Variants in CAMK2D observed in about 807,000 individuals in gnomAD.
CAMK2D encodes the protein calcium/calmodulin-dependent protein kinase type II subunit delta.
In CAMK2D, 37 loss-of-function variants were observed where a neutral mutation model predicts 84.0. The ratio of observed to expected loss-of-function variants is 0.44; its 90% CI spans 0.34 to 0.58. CAMK2D has a LOEUF of 0.58. Among genes scored for constraint, CAMK2D ranks in the 20% least tolerant of loss-of-function variants. The pLI, the probability that CAMK2D is intolerant of heterozygous loss-of-function variation, is 0.02. For synonymous variants in CAMK2D, 202 were observed against 212.5 expected (o/e 0.95, Z 0.43); for missense variants, 448 against 652.5 (o/e 0.69, Z 3.41).
At chr4:113,608,354 TA>T (rs2098986405) in intron 4 of CAMK2D, among the ~76,000 whole-genome samples, 1 of 152,228 alleles carries the variant, frequency 6.6e-6, no homozygotes, top group African/African-American at 2.4e-5. Context: ...TGCTAGGCAG[TA>T]GTCCATTATA....
At chr4:113,564,366 G>T (rs2098712649) in intron 4 of CAMK2D, among the ~76,000 whole-genome samples, 1 of 151,894 alleles carries the variant, frequency 6.6e-6, no homozygotes, top group Non-Finnish European at 1.5e-5. Flanking sequence ...TTCCTTGCTG[G>T]TAACGCCTAG....
At chr4:113,700,179 G>T (rs1289493061) in intron 2 of CAMK2D, among the ~76,000 whole-genome samples, 1 of 152,084 alleles carries the variant, frequency 6.6e-6, no homozygotes, top group Non-Finnish European at 1.5e-5. Flanking sequence ...TAACTTTAAA[G>T]AGGCAACCAT....
chr4:113,617,921 C>CA lies in CAMK2D; in HGVS notation c.221-8716_221-8715insT, dbSNP rs1592015337. 3.9e-5 allele frequency among the ~76,000 whole-genome samples: 6 copies of CA among 151,940 alleles called. No homozygotes were observed. The South Asian group carries it at 6.3e-4, about 16-fold the overall frequency. On this transcript the variant is annotated intron_variant, in intron 3 of 20. Transcript: ENST00000511664. ...CTTTTGCTTGGGTCATACACACACA[C>CA]TCACACAACACACAGACACACACAC...
chr4:113,723,803 A>G (rs1044755621), intron 2 of CAMK2D, among the ~76,000 whole-genome samples: 6 of 152,176 alleles, frequency 3.9e-5, no homozygotes, highest in Admixed American at 6.5e-5. Context: ...GCAACATACA[A>G]AGAATGGGGT....
rs186041998 is a variant in CAMK2D at position 113,732,815 on chromosome 4, A to G, written c.160+26505T>C. ...TCATGCCTATTCATTTAGAGTTAATAGCTATCTCATCTTCATCTATGCAGC... is the reference window on the plus strand; with the variant it reads ...TCATGCCTATTCATTTAGAGTTAATGGCTATCTCATCTTCATCTATGCAGC... On this transcript the variant is annotated intron_variant, in intron 2 of 20. Coordinates refer to ENST00000511664, the MANE Select transcript of CAMK2D (RefSeq NM_001321571.2). 3.9e-3 allele frequency among the ~76,000 whole-genome samples: 600 copies of G among 152,284 alleles called. 3 individuals carry two copies. The highest frequency in any genetic ancestry group is 7.3e-3 in the Non-Finnish European group (495 of 68,018).
At chr4:113,589,189 C>T (rs2098847556) in intron 4 of CAMK2D, among the ~76,000 whole-genome samples, 1 of 151,950 alleles carries the variant, frequency 6.6e-6, no homozygotes, top group Admixed American at 6.6e-5. Flanking sequence ...AGAGGAGTGG[C>T]ATGCTCTTGG....
chr4:113,568,096 A>G (rs1005602434), intron 4 of CAMK2D, among the ~76,000 whole-genome samples: 1 of 152,152 alleles, frequency 6.6e-6, no homozygotes, highest in African/African-American at 2.4e-5. Context: ...ATTGTGGCAA[A>G]ATACACACAC....
intron 3 of CAMK2D, among the ~76,000 whole-genome samples, chr4:113,630,879 A>G (rs561531610): frequency 1.3e-5 from 2 of 152,314 alleles, no homozygotes; most frequent in South Asian, 2.1e-4. Flanking sequence ...TTGCTAAGAC[A>G]TAACTCAGAG....
At chr4:113,603,946 TA>T (rs1257824566) in intron 4 of CAMK2D, among the ~76,000 whole-genome samples, 1 of 148,836 alleles carries the variant, frequency 6.7e-6, no homozygotes, top group Non-Finnish European at 1.5e-5. Flanking sequence ...AAATAAAATT[TA>T]AAAAGAAAAA....
chr4:113,481,195 G>A (rs943662950), intron 16 of CAMK2D, among the ~76,000 whole-genome samples: 4 of 152,028 alleles, frequency 2.6e-5, no homozygotes, highest in Admixed American at 1.3e-4. Context: ...GGAGAATTCC[G>A]ATCATTTTAG....
At chr4:113,758,960 G>C (rs1211970913) in intron 2 of CAMK2D, among the ~76,000 whole-genome samples, 1 of 152,108 alleles carries the variant, frequency 6.6e-6, no homozygotes, top group Non-Finnish European at 1.5e-5. Flanking sequence ...AAGCAAAAGG[G>C]AATTATGACA....
intron 2 of CAMK2D, among the ~76,000 whole-genome samples, chr4:113,672,427 G>A (rs1011871804): frequency 2.6e-5 from 4 of 152,100 alleles, no homozygotes; most frequent in African/African-American, 9.7e-5. Context: ...CCTTATATCA[G>A]ACATGCTACT....
chr4:113,560,985 A>G (rs2098695791), intron 4 of CAMK2D, among the ~76,000 whole-genome samples: 1 of 152,144 alleles, frequency 6.6e-6, no homozygotes, highest in South Asian at 2.1e-4. Context: ...GGTGCTATCC[A>G]AGGAGGACCC....
intron 2 of CAMK2D, among the ~76,000 whole-genome samples, chr4:113,719,717 C>T (rs138759064): frequency 5.8e-4 from 89 of 152,262 alleles, no homozygotes; most frequent in African/African-American, 2.0e-3. Flanking sequence ...TCACTGTTCT[C>T]ACTTTTAACA....
chr4:113,634,577 T>C lies in CAMK2D; in HGVS notation c.221-25371A>G, dbSNP rs146452951. ...CCAAGGAATGACATTTGTAAATCAA[T>C]TACAAGCTGCTTTCACAGAAATAAG... On this transcript the variant is annotated intron_variant, in intron 3 of 20. Coordinates refer to ENST00000511664, the MANE Select transcript of CAMK2D (RefSeq NM_001321571.2). Among the ~76,000 whole-genome samples, 13 of 152,308 alleles carry C rather than the reference T, an allele frequency of 8.5e-5. No individual in the cohort carries two copies. The East Asian group carries it at 2.5e-3, about 29-fold the overall frequency.
At chr4:113,531,135 C>A in intron 8 of CAMK2D, 81 bp downstream of exon 8, 1 of 772,980 alleles carries the variant, frequency 1.3e-6, no homozygotes. Flanking sequence ...CCCACTTGGT[C>A]TATGACAGAT....
At chr4:113,470,403 G>A (rs938715875) in intron 16 of CAMK2D, among the ~76,000 whole-genome samples, 1 of 152,000 alleles carries the variant, frequency 6.6e-6, no homozygotes, top group Admixed American at 6.6e-5. Context: ...CTCAGCACTT[G>A]GAGAGGCCGA....
intron 16 of CAMK2D, among the ~76,000 whole-genome samples, chr4:113,476,304 G>T (rs1289930451): frequency 6.6e-6 from 1 of 152,082 alleles, no homozygotes; most frequent in Non-Finnish European, 1.5e-5. Context: ...GACTTATTTA[G>T]GTTTGGAGGA....
intron 16 of CAMK2D, among the ~76,000 whole-genome samples, chr4:113,469,205 C>T (rs2097516556): frequency 6.6e-6 from 1 of 152,112 alleles, no homozygotes; most frequent in Admixed American, 6.5e-5. Flanking sequence ...AATAAAACAA[C>T]TTACAGATTT....
Sources: gnomAD v4.1 joint callset for allele counts (sites outside exome capture counted in the v4.1 genomes callset) on GRCh38, gnomAD v4.1.1 for gene constraint, MANE v1.5 for transcripts, NCBI Gene and HGNC (gene_info 2026-07-23, HGNC 2026-07-21) for gene names.